The following SHISAL1 variants were observed in gnomAD, a reference collection of about 807,000 sequenced individuals.
SHISAL1 encodes the protein protein shisa-like-1.
A neutral mutation model predicts 22.6 loss-of-function variants in SHISAL1; 9 were observed. The ratio of observed to expected loss-of-function variants is 0.40; its 90% CI spans 0.24 to 0.70. The LOEUF (loss-of-function observed/expected upper bound fraction) is 0.70, where lower values mean the gene tolerates loss of function less well. Among genes scored for constraint, SHISAL1 ranks in the 30% least tolerant of loss-of-function variants. SHISAL1 has a pLI of 0.39. For synonymous variants in SHISAL1, 119 were observed against 115.4 expected (o/e 1.03, Z -0.20); for missense variants, 246 against 270.6 (o/e 0.91, Z 0.64).
intron 4 of SHISAL1, among the ~76,000 whole-genome samples, chr22:44,261,098 T>TATATATATATATATAC (rs1459696750): frequency 2.3e-5 from 3 of 130,280 alleles, no homozygotes; most frequent in African/African-American, 1.1e-4. Flanking sequence ...TATATATATA[T>TATATATATATATATAC]ACACTATATG....
chr22:44,283,730 G>A (rs772233710), intron 4 of SHISAL1, among the ~76,000 whole-genome samples: 3 of 152,160 alleles, frequency 2.0e-5, no homozygotes, highest in African/African-American at 7.2e-5. Context: ...CGTTTTAAAC[G>A]GAAGATTCTC....
chr22:44,251,943 C>T (rs2055050528), intron 4 of SHISAL1, among the ~76,000 whole-genome samples: 1 of 151,672 alleles, frequency 6.6e-6, no homozygotes, highest in African/African-American at 2.4e-5. Flanking sequence ...ATGTTATGCG[C>T]ACTTTACCAC....
chr22:44,305,012 T>A (rs1175735771), intron 1 of SHISAL1, among the ~76,000 whole-genome samples: 1 of 152,178 alleles, frequency 6.6e-6, no homozygotes, highest in Non-Finnish European at 1.5e-5. Flanking sequence ...TACTGGCTGA[T>A]GTTGCGGGGC....
intron 4 of SHISAL1, among the ~76,000 whole-genome samples, chr22:44,281,850 C>A (rs553045825): frequency 6.6e-6 from 1 of 152,304 alleles, no homozygotes; most frequent in African/African-American, 2.4e-5. Context: ...GCATTGTGAC[C>A]ATTGCACCAC....
intron 4 of SHISAL1, among the ~76,000 whole-genome samples, chr22:44,278,689 G>T (rs2055256654): frequency 6.6e-6 from 1 of 152,142 alleles, no homozygotes; most frequent in Admixed American, 6.5e-5. Flanking sequence ...CAGGAGAAGG[G>T]GTGAGGAGAA....
intron 4 of SHISAL1, among the ~76,000 whole-genome samples, chr22:44,256,276 G>C (rs2055084333): frequency 7.7e-6 from 1 of 129,810 alleles, no homozygotes. Flanking sequence ...TCGACTCAAA[G>C]TGGAACTCAC....
At chr22:44,260,859 G>A (rs2055117793) in intron 4 of SHISAL1, among the ~76,000 whole-genome samples, 1 of 152,002 alleles carries the variant, frequency 6.6e-6, no homozygotes, top group African/African-American at 2.4e-5. Flanking sequence ...CCCCTGCATG[G>A]CAGTCTTTGC....
intron 3 of SHISAL1, among the ~76,000 whole-genome samples, chr22:44,288,374 T>C (rs376883110): frequency 3.5e-4 from 53 of 152,266 alleles, no homozygotes; most frequent in Middle Eastern, 3.4e-3. Context: ...CGGTGGCTCA[T>C]GCCTGTAATC....
chr22:44,274,123 G>A (rs2055223766), intron 4 of SHISAL1, among the ~76,000 whole-genome samples: 1 of 144,342 alleles, frequency 6.9e-6, no homozygotes, highest in Non-Finnish European at 1.5e-5. Context: ...GTGGGTGTCT[G>A]TAATCCCAGC....
the SHISAL1 span, among the ~76,000 whole-genome samples, chr22:44,329,465 G>A: frequency 3.6e-4 from 54 of 149,446 alleles, no homozygotes; most frequent in East Asian, 9.7e-4. Context: ...ACACACACAC[G>A]CGCGGCTCTA....
At chr22:44,297,305 T>C (rs1017789226) in intron 2 of SHISAL1, among the ~76,000 whole-genome samples, 2 of 152,176 alleles carry the variant, frequency 1.3e-5, no homozygotes, top group Non-Finnish European at 2.9e-5. Flanking sequence ...CCCGAGCTGA[T>C]AAGTGTTGGA....
chr22:44,323,302 TCATCCATCCATC>T, the SHISAL1 span, among the ~76,000 whole-genome samples: 1 of 106,790 alleles, frequency 9.4e-6, no homozygotes, highest in Non-Finnish European at 1.9e-5. Flanking sequence ...ACCCACCCAT[TCATCCATCCATC>T]CATCCACCCA....
chr22:44,276,064 G>A (rs946431069), intron 4 of SHISAL1, among the ~76,000 whole-genome samples: 5 of 152,200 alleles, frequency 3.3e-5, no homozygotes, highest in African/African-American at 9.7e-5. Context: ...GAGGAGACAG[G>A]CACAAAGCCA....
intron 4 of SHISAL1, among the ~76,000 whole-genome samples, chr22:44,284,870 C>T (rs903536142): frequency 2.1e-5 from 3 of 142,716 alleles, no homozygotes; most frequent in Non-Finnish European, 3.2e-5. Context: ...AAGGCCAACC[C>T]TTGAGATGCC....
intron 4 of SHISAL1, among the ~76,000 whole-genome samples, chr22:44,269,076 G>A (rs116691410): frequency 0.01 from 1,553 of 152,006 alleles, 35 homozygotes; most frequent in African/African-American, 0.036. Flanking sequence ...TCTACTGCCC[G>A]GGACAGTAAA....
chr22:44,285,151 T>C (rs1433924182), intron 4 of SHISAL1, among the ~76,000 whole-genome samples: 2 of 152,172 alleles, frequency 1.3e-5, no homozygotes, highest in Admixed American at 1.3e-4. Context: ...CTCCACTAAA[T>C]GTTTAGTGGT....
At chr22:44,295,372 T>C (rs745467288) in intron 3 of SHISAL1, among the ~76,000 whole-genome samples, 13 of 152,054 alleles carry the variant, frequency 8.5e-5, no homozygotes, top group Non-Finnish European at 1.5e-4. Context: ...ACTTTAAAAC[T>C]TTCATCAAAG....
At chr22:44,306,855 A>G (rs534192980) in intron 1 of SHISAL1, among the ~76,000 whole-genome samples, 1 of 145,700 alleles carries the variant, frequency 6.9e-6, no homozygotes, top group East Asian at 2.1e-4. Flanking sequence ...TGTGATGACG[A>G]TGGCGTGTGC....
chr22:44,253,832 C>CTCTGTGTGTGTGTG (rs1555925132), intron 4 of SHISAL1, among the ~76,000 whole-genome samples: 1 of 149,186 alleles, frequency 6.7e-6, no homozygotes, highest in Non-Finnish European at 1.5e-5. Context: ...AATCTAACAA[C>CTCTGTGTGTGTGTG]TGTGTGTGTG....
Sources: gnomAD v4.1 joint callset for allele counts (sites outside exome capture counted in the v4.1 genomes callset) on GRCh38, gnomAD v4.1.1 for gene constraint, MANE v1.5 for transcripts, NCBI Gene and HGNC (gene_info 2026-07-23, HGNC 2026-07-21) for gene names.